MYOM2: variants seen among roughly 807,000 people sequenced by gnomAD.
The protein encoded by MYOM2 is myomesin-2.
MYOM2 carries 254 observed loss-of-function variants against 187.6 expected under a neutral mutation model. The observed-to-expected ratio is 1.35, with a 90% CI of 1.22 to 1.50. The LOEUF (loss-of-function observed/expected upper bound fraction) is 1.50, where lower values mean the gene tolerates loss of function less well. Ranked by LOEUF, MYOM2 falls within the 40% of genes most tolerant of loss-of-function variation. The pLI is 0.00. For synonymous variants in MYOM2, 981 were observed against 753.8 expected (o/e 1.30, Z -4.94); for missense variants, 2,796 against 1,924.0 (o/e 1.45, Z -8.48).
chr8:2,099,205 G>T (rs899598137), intron 19 of MYOM2, among the ~76,000 whole-genome samples: 1 of 152,236 alleles, frequency 6.6e-6, no homozygotes, highest in East Asian at 1.9e-4. Context: ...AGTGATGAGG[G>T]CAGAGTAGGA....
chr8:2,131,643 CTTTTT>C (rs5888888), intron 32 of MYOM2, among the ~76,000 whole-genome samples: 3 of 113,944 alleles, frequency 2.6e-5, no homozygotes, highest in Non-Finnish European at 3.5e-5. Flanking sequence ...GCATTTCTTT[CTTTTT>C]TTTTTTTTTT....
chr8:2,066,555 A>C (rs1364796320), intron 6 of MYOM2, among the ~76,000 whole-genome samples: 7 of 152,210 alleles, frequency 4.6e-5, no homozygotes, highest in African/African-American at 1.7e-4. Context: ...ATTATTTAGA[A>C]GAAGTAACAT....
chr8:2,092,457 A>G lies in MYOM2; in HGVS notation c.1940A>G (p.Asp647Gly). 1 of 1,614,116 alleles carries G rather than the reference A, an allele frequency of 6.2e-7. No individual in the cohort carries two copies. Among genetic ancestry groups the G allele is most frequent in the African/African-American group, 1.3e-5 (1 of 75,030 alleles). ...GAGGACCTGCTGGGCTACTACGTGGACTGCTGTGTGGCCGGAACCAACCTC... is the reference window on the plus strand; with the variant it reads ...GAGGACCTGCTGGGCTACTACGTGGGCTGCTGTGTGGCCGGAACCAACCTC... Reference protein sequence around the residue: ...HEEDLLGYYVDCCVAGTNLWE... With the variant: ...HEEDLLGYYVGCCVAGTNLWE... Residue 647 changes from aspartate (D) to glycine (G), a missense_variant, in exon 16 of 37, where the codon GAC becomes GGC. By Grantham distance (94) the Asp-to-Gly change is moderately conservative (BLOSUM62 -1). Coordinates refer to ENST00000262113, the MANE Select transcript of MYOM2 (RefSeq NM_003970.4).
At chr8:2,058,861 T>G (rs1818758689) in intron 5 of MYOM2, among the ~76,000 whole-genome samples, 1 of 152,210 alleles carries the variant, frequency 6.6e-6, no homozygotes. Context: ...CAGCACCCAG[T>G]GTTTCTTATG....
intron 19 of MYOM2, among the ~76,000 whole-genome samples, chr8:2,099,828 A>G (rs1217040521): frequency 6.6e-6 from 1 of 152,246 alleles, no homozygotes; most frequent in African/African-American, 2.4e-5. Context: ...ACTTTGAGAA[A>G]GTAAATCCTG....
At chr8:2,079,637 G>A (rs1819554383) in intron 13 of MYOM2, 24 bp downstream of exon 13, 1 of 1,611,942 alleles carries the variant, frequency 6.2e-7, no homozygotes, top group Non-Finnish European at 8.5e-7. Flanking sequence ...CATCACCCCA[G>A]CTGCTCAGCC....
chr8:2,144,292 G>C (rs748849176), intron 36 of MYOM2, among the ~76,000 whole-genome samples: 1 of 151,736 alleles, frequency 6.6e-6, no homozygotes, highest in Non-Finnish European at 1.5e-5. Context: ...ACTGGTAAGA[G>C]GGATCCATAA....
intron 31 of MYOM2, among the ~76,000 whole-genome samples, chr8:2,127,430 A>G (rs1028888903): frequency 3.3e-5 from 5 of 152,164 alleles, no homozygotes; most frequent in Admixed American, 6.5e-5. Context: ...CCTAGACCTC[A>G]TGCCCCTCCC....
chr8:2,109,381 T>G lies in MYOM2; in HGVS notation c.3044-14T>G, dbSNP rs768706448. The stretch of plus-strand genomic sequence containing the variant: ...TCATGCATTATTGACTTGCGATTTC[T>G]TTTCTTCCTGTAGCAATTCCTCTGA... On this transcript the variant is annotated splice_polypyrimidine_tract_variant and intron_variant, in intron 24 of 36. Coordinates refer to ENST00000262113, the MANE Select transcript of MYOM2 (RefSeq NM_003970.4). The G allele has an allele frequency of 1.2e-5, 19 of 1,591,982 alleles. No individual in the cohort carries two copies. Among genetic ancestry groups the G allele is most frequent in the Non-Finnish European group, 1.6e-5 (19 of 1,170,382 alleles).
intron 8 of MYOM2, among the ~76,000 whole-genome samples, 160 bp from the exon 9 acceptor site, chr8:2,072,185 C>T (rs535561169): frequency 1.3e-5 from 2 of 152,186 alleles, no homozygotes; most frequent in Admixed American, 1.3e-4. Context: ...GAGCCGAGGT[C>T]GCACCACTGC....
intron 32 of MYOM2, among the ~76,000 whole-genome samples, chr8:2,131,945 T>C (rs76223873): frequency 0.14 from 21,080 of 152,028 alleles, 2,538 homozygotes; most frequent in African/African-American, 0.31. Flanking sequence ...AGCCGGCCAA[T>C]AGGCATTTCT....
intron 19 of MYOM2, among the ~76,000 whole-genome samples, 198 bp downstream of exon 19, chr8:2,099,181 G>A (rs1301032329): frequency 4.6e-5 from 7 of 152,242 alleles, no homozygotes; most frequent in South Asian, 2.1e-4. Flanking sequence ...TGGGCTGTGC[G>A]TGGTCCAGAG....
chr8:2,135,841 A>C (rs1057509096), intron 32 of MYOM2, among the ~76,000 whole-genome samples: 16 of 152,328 alleles, frequency 1.1e-4, no homozygotes, highest in Admixed American at 1.3e-4. Context: ...TAGTCAAAGA[A>C]ATTAACAGCT....
intron 6 of MYOM2, among the ~76,000 whole-genome samples, chr8:2,063,747 C>G (rs1818923518): frequency 6.6e-6 from 1 of 152,232 alleles, no homozygotes; most frequent in Non-Finnish European, 1.5e-5. Context: ...GGCACTTAAC[C>G]TTATGGCTGC....
At position 2,080,866 on chromosome 8, in the gene MYOM2, A is replaced by G. The variant is rs143821168; in HGVS notation, c.1516+1253A>G. ...CCGTGTAGAATGAGGTTTGGTTCTG[A>G]TCTGCGGGAGGAACAGGCAGCCCAG... On this transcript the variant is annotated intron_variant, in intron 13 of 36. Transcript: ENST00000262113. Among the ~76,000 whole-genome samples, 674 of 91,600 alleles carry G rather than the reference A, an allele frequency of 7.4e-3. 5 individuals are homozygous for G. Among genetic ancestry groups the G allele is most frequent in the African/African-American group, 0.028 (549 of 19,886 alleles). The allele number at this position is 91,600 out of a possible 152,430, so 60.1% of individuals were successfully genotyped here. A position where few individuals can be genotyped will look rare whatever the true frequency, so the allele number is the denominator to read the frequency against.
chr8:2,091,859 G>A (rs576916243), intron 15 of MYOM2, among the ~76,000 whole-genome samples: 1 of 152,222 alleles, frequency 6.6e-6, no homozygotes, highest in African/African-American at 2.4e-5. Context: ...GGCCTTACCT[G>A]ACCTCAGTCC....
intron 25 of MYOM2, among the ~76,000 whole-genome samples, chr8:2,110,648 T>C (rs1467955264): frequency 2.0e-5 from 3 of 152,080 alleles, no homozygotes; most frequent in Admixed American, 6.5e-5. Context: ...ACCTTAGCTG[T>C]GTACTAAGTC....
chr8:2,049,988 G>A (rs1436963595), intron 1 of MYOM2, among the ~76,000 whole-genome samples: 5 of 152,010 alleles, frequency 3.3e-5, no homozygotes, highest in African/African-American at 7.2e-5. Context: ...CTCCTGCTAC[G>A]CCTGTCTACC....
rs1468089780 is a variant in MYOM2 at position 2,102,759 on chromosome 8, T to C, written c.2712T>C (p.Pro904=). The change falls in exon 21 of 37, where the codon CCT becomes CCC. Residue 904 remains proline, a synonymous_variant. Coordinates refer to ENST00000262113, the MANE Select transcript of MYOM2 (RefSeq NM_003970.4). ...GGAAGCCCTCAGACACGTCGGAGCCTGTGCTGGTAGAGGCGAGACCAGGTA... is the reference window on the plus strand; with the variant it reads ...GGAAGCCCTCAGACACGTCGGAGCCCGTGCTGGTAGAGGCGAGACCAGGTA... The part of the protein sequence containing the change: ...GVGKPSDTSE[P]VLVEARPGTK... 1.2e-6 allele frequency: 2 copies of C among 1,613,700 alleles called. No individual in the cohort carries two copies. The highest frequency in any genetic ancestry group is 8.5e-7 in the Non-Finnish European group (1 of 1,179,622).
Sources: allele counts gnomAD v4.1 joint callset (sites outside exome capture counted in the v4.1 genomes callset), GRCh38; gene constraint gnomAD v4.1.1; transcripts MANE v1.5; gene names NCBI Gene and HGNC (gene_info 2026-07-23, HGNC 2026-07-21).